The following NSG2 variants were observed in gnomAD, a reference collection of about 807,000 sequenced individuals.
NSG2 encodes neuronal vesicle trafficking associated 2, also known as neuronal vesicle trafficking-associated protein 2.
In NSG2, 4 loss-of-function variants were observed where a neutral mutation model predicts 16.9. The observed-to-expected ratio is 0.24, with a 90% CI of 0.12 to 0.54. NSG2 has a LOEUF of 0.54. Ranked by LOEUF, NSG2 falls within the 20% of genes least tolerant of loss-of-function variation. The pLI is 0.95. For missense variants in NSG2, 179 were observed against 221.1 expected (o/e 0.81, Z 1.21); for synonymous variants, 98 against 88.7 (o/e 1.11, Z -0.59).
chr5:174,092,005 T>G (rs1375725951), intron 3 of NSG2, among the ~76,000 whole-genome samples: 2 of 152,204 alleles, frequency 1.3e-5, no homozygotes, highest in Non-Finnish European at 2.9e-5. Flanking sequence ...TGCCCTCCTT[T>G]ATTCAGAAGC....
Position 174,107,300 on chromosome 5 carries a change from T to G in NSG2, c.325-14T>G. The G allele has an allele frequency of 6.5e-7, 1 of 1,536,020 alleles. No individual in the cohort carries two copies. The stretch of plus-strand genomic sequence containing the variant: ...TTGCTGAATGACCCCTGACTCTGTC[T>G]CTTTCTTCCCCAGCACAAACGCTGT... On this transcript the variant is annotated splice_polypyrimidine_tract_variant and intron_variant, in intron 4 of 4. Coordinates refer to ENST00000303177, the MANE Select transcript of NSG2 (RefSeq NM_015980.5). The surrounding 1 kb of genome is among the most constrained non-coding windows in gnomAD (Gnocchi z 4.5).
chr5:174,097,533 CTA>C (rs1172722721), intron 3 of NSG2, among the ~76,000 whole-genome samples: 8 of 148,154 alleles, frequency 5.4e-5, no homozygotes, highest in Admixed American at 2.7e-4. Context: ...ATGTGTGTAA[CTA>C]TATGTGTGTG....
chr5:174,092,066 A>G (rs1287485143), intron 3 of NSG2, among the ~76,000 whole-genome samples: 1 of 152,240 alleles, frequency 6.6e-6, no homozygotes, highest in South Asian at 2.1e-4. Flanking sequence ...TCTCCAGGCT[A>G]CTTGCATTCA....
chr5:174,049,200 C>T (rs1338476342), intron 2 of NSG2, among the ~76,000 whole-genome samples: 2 of 152,026 alleles, frequency 1.3e-5, no homozygotes, highest in South Asian at 4.1e-4. Flanking sequence ...ATTAGCCGGG[C>T]GTGGTGGTGG....
chr5:174,086,193 G>A (rs961747778), intron 3 of NSG2, among the ~76,000 whole-genome samples: 3 of 152,160 alleles, frequency 2.0e-5, no homozygotes, highest in Non-Finnish European at 4.4e-5. Flanking sequence ...CTCACCCTGG[G>A]CCTTGTTGAA....
chr5:174,088,475 G>C (rs1760668466), intron 3 of NSG2, among the ~76,000 whole-genome samples: 1 of 152,106 alleles, frequency 6.6e-6, no homozygotes. Context: ...GATCACCCTG[G>C]TTATCTCCTA....
At chr5:174,080,931 A>T (rs1760450568) in intron 3 of NSG2, among the ~76,000 whole-genome samples, 1 of 151,988 alleles carries the variant, frequency 6.6e-6, no homozygotes, top group African/African-American at 2.4e-5. Context: ...CTTTCAGTTG[A>T]GCTGTAAGAT....
intron 2 of NSG2, among the ~76,000 whole-genome samples, chr5:174,061,391 C>T (rs958272815): frequency 6.6e-6 from 1 of 152,230 alleles, no homozygotes; most frequent in African/African-American, 2.4e-5. Context: ...TCCCAGAATG[C>T]TGTGAACTAG....
chr5:174,071,106 T>C (rs1581225109), intron 3 of NSG2, among the ~76,000 whole-genome samples: 1 of 152,178 alleles, frequency 6.6e-6, no homozygotes, highest in East Asian at 1.9e-4. Context: ...GGGGAGAAGC[T>C]GCAGTGGGAG....
Position 174,107,627 on chromosome 5 carries a change from A to AGGGGGGGGGGGGGG in NSG2, c.*125_*126insGGGGGGGGGGGGGG. 1 of 409,532 alleles carries AGGGGGGGGGGGGGG rather than the reference A, an allele frequency of 2.4e-6. No homozygotes were observed. Among genetic ancestry groups the AGGGGGGGGGGGGGG allele is most frequent in the Admixed American group, 2.6e-5 (1 of 38,534 alleles). 25.4% of individuals were successfully genotyped at this position (409,532 alleles called of 1,614,324 possible). ...TATGGGGGCGGGGGCGGGGCAGGGCAGGGTGGGGGGAAGAACGCACCAAAA... is the reference window on the plus strand; with the variant it reads ...TATGGGGGCGGGGGCGGGGCAGGGCAGGGGGGGGGGGGGGGGGTGGGGGGAAGAACGCACCAAAA... On this transcript the variant is annotated 3_prime_UTR_variant, in exon 5 of 5. Transcript: ENST00000303177. The surrounding 1 kb of genome is among the most constrained non-coding windows in gnomAD (Gnocchi z 4.5).
At chr5:174,100,591 A>T (rs1286189639) in intron 3 of NSG2, among the ~76,000 whole-genome samples, 5 of 152,128 alleles carry the variant, frequency 3.3e-5, no homozygotes, top group African/African-American at 1.2e-4. Flanking sequence ...CAGGGTTTGA[A>T]ACCACTACCT....
intron 2 of NSG2, among the ~76,000 whole-genome samples, chr5:174,047,838 C>T (rs1759823341): frequency 6.6e-6 from 1 of 152,172 alleles, no homozygotes; most frequent in Non-Finnish European, 1.5e-5. Context: ...AGCTTTTGTA[C>T]ACGGTAAGGG....
At chr5:174,067,425 G>A (rs1243899428) in intron 3 of NSG2, among the ~76,000 whole-genome samples, 2 of 152,144 alleles carry the variant, frequency 1.3e-5, no homozygotes, top group Non-Finnish European at 2.9e-5. Context: ...AGGGTGCTGG[G>A]TCAGGGACCA....
At chr5:174,066,003 G>A (rs902675314) in intron 3 of NSG2, among the ~76,000 whole-genome samples, 1 of 152,212 alleles carries the variant, frequency 6.6e-6, no homozygotes, top group Non-Finnish European at 1.5e-5. Flanking sequence ...GGGAATTGAA[G>A]CGTATGCGGG....
At chr5:174,048,327 G>A (rs1759833195) in intron 2 of NSG2, among the ~76,000 whole-genome samples, 1 of 152,174 alleles carries the variant, frequency 6.6e-6, no homozygotes, top group South Asian at 2.1e-4. Flanking sequence ...CTCTGAGAGT[G>A]AGACCCAGGC....
intron 3 of NSG2, among the ~76,000 whole-genome samples, chr5:174,070,892 A>G (rs948032586): frequency 6.6e-5 from 10 of 152,194 alleles, no homozygotes; most frequent in Non-Finnish European, 1.3e-4. Context: ...CTGGCCTGGC[A>G]TGGAGCAGGC....
intron 3 of NSG2, among the ~76,000 whole-genome samples, chr5:174,080,371 T>C (rs567895717): frequency 1.3e-5 from 2 of 150,702 alleles, no homozygotes; most frequent in Non-Finnish European, 3.0e-5. Context: ...TATAACCATA[T>C]GTATGTGGAT....
chr5:174,076,430 G>C (rs896646404), intron 3 of NSG2, among the ~76,000 whole-genome samples: 4 of 151,672 alleles, frequency 2.6e-5, no homozygotes, highest in Non-Finnish European at 4.4e-5. Context: ...ATATGAGACA[G>C]GGAAAAAAAG....
intron 2 of NSG2, among the ~76,000 whole-genome samples, chr5:174,060,240 G>C (rs537169266): frequency 1.3e-5 from 2 of 152,290 alleles, no homozygotes; most frequent in African/African-American, 4.8e-5. Context: ...GTCTCAACAT[G>C]TTGGTTAGAA....
Sources: allele counts gnomAD v4.1 joint callset (sites outside exome capture counted in the v4.1 genomes callset), GRCh38; gene constraint gnomAD v4.1.1; non-coding constraint Gnocchi (gnomAD v3.1); transcripts MANE v1.5; gene names NCBI Gene and HGNC (gene_info 2026-07-23, HGNC 2026-07-21).